FOXN1: variants seen among roughly 807,000 people sequenced by gnomAD.
The protein encoded by FOXN1 is forkhead box protein N1.
FOXN1 carries 15 observed loss-of-function variants against 49.0 expected under a neutral mutation model. That is an observed-to-expected ratio of 0.31 (90% CI 0.20 to 0.47). The LOEUF (loss-of-function observed/expected upper bound fraction) is 0.47, where lower values mean the gene tolerates loss of function less well. Among genes scored for constraint, FOXN1 ranks in the 20% least tolerant of loss-of-function variants. The pLI is 1.00. For synonymous variants in FOXN1, 356 were observed against 369.0 expected (o/e 0.96, Z 0.40); for missense variants, 800 against 842.8 (o/e 0.95, Z 0.63).
chr17:28,507,088 C>T (rs1233938349), intron 1 of FOXN1, among the ~76,000 whole-genome samples: 2 of 152,174 alleles, frequency 1.3e-5, no homozygotes, highest in Non-Finnish European at 2.9e-5. Context: ...TCCCCAGCTC[C>T]ATTTCTCTCC....
chr17:28,524,968 G>A lies in FOXN1; in HGVS notation c.588+1G>A. The A allele has an allele frequency of 1.3e-6, 2 of 1,598,728 alleles. No individual in the cohort carries two copies. The highest frequency in any genetic ancestry group is 1.7e-6 in the Non-Finnish European group (2 of 1,170,716). Reference sequence around the variant, plus strand: ...CCAGGAGCATGGCCCCCAAGTCCTGGTGAGTACTAGTGGCCAGCGAGTGTC... The same window carrying A: ...CCAGGAGCATGGCCCCCAAGTCCTGATGAGTACTAGTGGCCAGCGAGTGTC... On this transcript the variant is annotated splice_donor_variant, in intron 3 of 8. Coordinates refer to ENST00000579795, the MANE Select transcript of FOXN1 (RefSeq NM_001369369.1). LOFTEE classifies it high-confidence loss of function.
At chr17:28,508,453 C>G (rs1020890863) in intron 1 of FOXN1, among the ~76,000 whole-genome samples, 2 of 152,342 alleles carry the variant, frequency 1.3e-5, no homozygotes, top group East Asian at 3.9e-4. Context: ...CCCCATCCCC[C>G]AGACAGTCCC....
intron 1 of FOXN1, among the ~76,000 whole-genome samples, chr17:28,514,372 G>C (rs754880284): frequency 3.3e-5 from 5 of 152,130 alleles, no homozygotes; most frequent in Non-Finnish European, 5.9e-5. Flanking sequence ...GCAGGGGCAC[G>C]CAACCCATTT....
At chr17:28,509,151 A>G (rs1443151254) in intron 1 of FOXN1, among the ~76,000 whole-genome samples, 2 of 152,036 alleles carry the variant, frequency 1.3e-5, no homozygotes, top group African/African-American at 4.8e-5. Context: ...ACATGGTTCC[A>G]GAATACATTG....
At chr17:28,508,960 A>G (rs1358406266) in intron 1 of FOXN1, among the ~76,000 whole-genome samples, 2 of 133,462 alleles carry the variant, frequency 1.5e-5, no homozygotes, top group African/African-American at 5.6e-5. Flanking sequence ...TTTTAGGTTG[A>G]GTTTGACTGG....
Position 28,537,495 on chromosome 17 carries a change from C to T in FOXN1, c.*59C>T, listed in dbSNP as rs540452747. 1.2e-5 allele frequency: 16 copies of T among 1,365,104 alleles called. No homozygotes were observed. In the Admixed American group the frequency reaches 2.4e-4, roughly 20 times the overall value. 84.6% of individuals were successfully genotyped at this position (1,365,104 alleles called of 1,614,324 possible). A position where few individuals can be genotyped will look rare whatever the true frequency, so the allele number is the denominator to read the frequency against. On this transcript the variant is annotated 3_prime_UTR_variant, in exon 9 of 9. Coordinates refer to ENST00000579795, the MANE Select transcript of FOXN1 (RefSeq NM_001369369.1). ...CTGGTCTGGAAGTCCTGGCCGGCCG[C>T]CCACATCGGGCTCACCTTAAAGGTC...
At chr17:28,522,166 A>G (rs1019207298) in intron 1 of FOXN1, among the ~76,000 whole-genome samples, 2 of 152,242 alleles carry the variant, frequency 1.3e-5, no homozygotes, top group African/African-American at 4.8e-5. Flanking sequence ...GGTGGAGTCA[A>G]TAATGCTCCT....
intron 1 of FOXN1, among the ~76,000 whole-genome samples, chr17:28,514,791 A>G (rs1013328413): frequency 6.6e-6 from 1 of 152,114 alleles, no homozygotes; most frequent in South Asian, 2.1e-4. Context: ...GAGCCTGGGG[A>G]GGACCCTTGG....
chr17:28,519,241 G>A (rs113945335), intron 1 of FOXN1, among the ~76,000 whole-genome samples: 73 of 152,250 alleles, frequency 4.8e-4, no homozygotes, highest in African/African-American at 1.6e-3. Flanking sequence ...TAAGGCGGGA[G>A]GATCAGTTGA....
Position 28,538,830 on chromosome 17 carries a change from G to T in FOXN1, c.*1394G>T, listed in dbSNP as rs1480227975. The T allele has an allele frequency of 6.6e-6, 1 of 152,228 alleles. No homozygotes were observed. The highest frequency in any genetic ancestry group is 1.5e-5 in the Non-Finnish European group (1 of 68,052). 9.4% of individuals were successfully genotyped at this position (152,228 alleles called of 1,614,324 possible). A position where few individuals can be genotyped will look rare whatever the true frequency, so the allele number is the denominator to read the frequency against. Reference sequence around the variant, plus strand: ...GGCCCCAGGCTTATAGGAGGCATAAGCAGATCCCGCGATGGCTTGTCATTG... The same window carrying T: ...GGCCCCAGGCTTATAGGAGGCATAATCAGATCCCGCGATGGCTTGTCATTG... On this transcript the variant is annotated 3_prime_UTR_variant, in exon 9 of 9. Transcript: ENST00000579795.
rs368425372 is a variant in FOXN1, at chr17:28,534,308, C to T, written c.928-23C>T. ...TGGCTTCCTGAGCCTGGCCTGAATGCTTGTCTTGCTCTGTTCCGGCAGACA... is the reference window on the plus strand; with the variant it reads ...TGGCTTCCTGAGCCTGGCCTGAATGTTTGTCTTGCTCTGTTCCGGCAGACA... On this transcript the variant is annotated intron_variant, in intron 6 of 8. Transcript: ENST00000579795. This position sits in a 1 kb window ranked among gnomAD's most constrained non-coding sequence, Gnocchi z 4.1. 15 of 1,613,964 alleles carry T rather than the reference C, an allele frequency of 9.3e-6. No individual in the cohort carries two copies. The highest frequency in any genetic ancestry group is 8.5e-7 in the Non-Finnish European group (1 of 1,180,014).
chr17:28,507,022 C>T (rs1470413718), intron 1 of FOXN1, among the ~76,000 whole-genome samples: 1 of 152,210 alleles, frequency 6.6e-6, no homozygotes, highest in Non-Finnish European at 1.5e-5. Context: ...AGACAGGTGG[C>T]AAACAGGTGC....
At chr17:28,511,571 G>T (rs1247502943) in intron 1 of FOXN1, among the ~76,000 whole-genome samples, 1 of 152,188 alleles carries the variant, frequency 6.6e-6, no homozygotes, top group Non-Finnish European at 1.5e-5. Context: ...AGGGGAGGAG[G>T]CAGGGGCACC....
At chr17:28,521,836 T>C (rs2069648110) in intron 1 of FOXN1, among the ~76,000 whole-genome samples, 2 of 152,252 alleles carry the variant, frequency 1.3e-5, no homozygotes, top group Admixed American at 1.3e-4. Flanking sequence ...TCAGCAAAGA[T>C]GTGCCAACCC....
In FOXN1 at chr17:28,534,278, C is replaced by A; in HGVS notation, c.928-53C>A. The A allele has an allele frequency of 6.2e-7, 1 of 1,613,186 alleles. No individual in the cohort carries two copies. The highest frequency in any genetic ancestry group is 8.5e-7 in the Non-Finnish European group (1 of 1,179,832). On this transcript the variant is annotated intron_variant, in intron 6 of 8. Coordinates refer to ENST00000579795, the MANE Select transcript of FOXN1 (RefSeq NM_001369369.1). The surrounding 1 kb of genome is among the most constrained non-coding windows in gnomAD (Gnocchi z 4.1). The stretch of plus-strand genomic sequence containing the variant: ...TGTTCTAGAACCCAGACCTGAAGCC[C>A]GCTCTGGCTTCCTGAGCCTGGCCTG...
At chr17:28,523,282 G>A (rs1297566020) in intron 1 of FOXN1, among the ~76,000 whole-genome samples, 2 of 152,208 alleles carry the variant, frequency 1.3e-5, no homozygotes, top group Middle Eastern at 3.2e-3. Flanking sequence ...CTTGCCAGGC[G>A]CTGCAGTGTG....
chr17:28,524,089 G>C lies in FOXN1; in HGVS notation c.120G>C (p.Gln40His). The C allele has an allele frequency of 6.3e-7, 1 of 1,598,568 alleles. No homozygotes were observed. Among genetic ancestry groups the C allele is most frequent in the East Asian group, 2.3e-5 (1 of 44,302 alleles). Reference sequence around the variant, plus strand: ...GCCTCCCAGGCTCCCCTGCCCCACAGAGTGTAAGTACCCGGCATCTGGGCC... The same window carrying C: ...GCCTCCCAGGCTCCCCTGCCCCACACAGTGTAAGTACCCGGCATCTGGGCC... The part of the protein sequence containing the change: ...APGLPGSPAP[Q>H]SKHAGFSCSS... Residue 40 changes from glutamine (Q) to histidine (H), a missense_variant, in exon 2 of 9, where the codon CAG becomes CAC. By Grantham distance (24) the Gln-to-His change is conservative. Transcript: ENST00000579795.
rs899879280 is a variant in FOXN1, at chr17:28,534,670, A to G, written c.1136-37A>G. 5.6e-6 allele frequency: 9 copies of G among 1,612,076 alleles called. No individual in the cohort carries two copies. Among genetic ancestry groups the G allele is most frequent in the Non-Finnish European group, 7.6e-6 (9 of 1,179,620 alleles). On this transcript the variant is annotated intron_variant, in intron 7 of 8. Coordinates refer to ENST00000579795, the MANE Select transcript of FOXN1 (RefSeq NM_001369369.1). The surrounding 1 kb of genome is among the most constrained non-coding windows in gnomAD (Gnocchi z 4.1). ...GTCTGGGGAAGACTGTGGAGGAGGG[A>G]GGTCTCATGGTGTTCTTTCTCTCTT... is the stretch of plus-strand genomic sequence containing the variant.
At chr17:28,511,703 A>G (rs1555607043) in intron 1 of FOXN1, among the ~76,000 whole-genome samples, 1 of 152,086 alleles carries the variant, frequency 6.6e-6, no homozygotes, top group African/African-American at 2.4e-5. Flanking sequence ...AAAGGAGGGA[A>G]CAAGGTTTAT....
Sources: allele counts gnomAD v4.1 joint callset (sites outside exome capture counted in the v4.1 genomes callset), GRCh38; gene constraint gnomAD v4.1.1; non-coding constraint Gnocchi (gnomAD v3.1); transcripts MANE v1.5; gene names NCBI Gene and HGNC (gene_info 2026-07-23, HGNC 2026-07-21).